PPEF2: variants seen among roughly 807,000 people sequenced by gnomAD.
PPEF2 encodes the protein protein phosphatase with EF-hand domain 2, also known as serine/threonine-protein phosphatase with EF-hands 2.
PPEF2 carries 84 observed loss-of-function variants against 84.7 expected under a neutral mutation model. The ratio of observed to expected loss-of-function variants is 0.99; its 90% confidence interval spans 0.83 to 1.19. The LOEUF (loss-of-function observed/expected upper bound fraction) is 1.19, where lower values mean the gene tolerates loss of function less well. Ranked by LOEUF, PPEF2 falls within the 50% of genes most tolerant of loss-of-function variation. PPEF2 has a pLI of 0.00. For synonymous variants in PPEF2, 346 were observed against 345.2 expected (o/e 1.00, Z -0.03); for missense variants, 924 against 937.5 (o/e 0.99, Z 0.19).
chr4:75,894,933 A>T (rs1407356522), intron 2 of PPEF2, among the ~76,000 whole-genome samples: 1 of 152,132 alleles, frequency 6.6e-6, no homozygotes, highest in African/African-American at 2.4e-5. Context: ...CTGGGAAAAA[A>T]TATTTGCAAT....
intron 16 of PPEF2, 127 bp downstream of exon 16, chr4:75,864,313 A>G: frequency 1.4e-6 from 1 of 709,458 alleles, no homozygotes; most frequent in East Asian, 2.7e-5. Flanking sequence ...TATAAGCACT[A>G]ATCTTCTTAC....
chr4:75,874,014 A>G (rs1413719536), intron 11 of PPEF2, among the ~76,000 whole-genome samples: 3 of 152,024 alleles, frequency 2.0e-5, no homozygotes, highest in African/African-American at 7.2e-5. Flanking sequence ...AGGCTGAGGC[A>G]GGAGAATCAC....
intron 2 of PPEF2, among the ~76,000 whole-genome samples, chr4:75,894,461 G>A (rs1724963098): frequency 6.6e-6 from 1 of 152,170 alleles, no homozygotes; most frequent in Admixed American, 6.5e-5. Flanking sequence ...AAGAAAAGCT[G>A]CATAAAATAA....
At chr4:75,886,650 G>A (rs1333648230) in intron 7 of PPEF2, among the ~76,000 whole-genome samples, 3 of 152,062 alleles carry the variant, frequency 2.0e-5, no homozygotes, top group Non-Finnish European at 4.4e-5. Context: ...AACCTGGGAG[G>A]CAGAGGTTGC....
At chr4:75,864,329 T>C in intron 16 of PPEF2, 111 bp downstream of exon 16, 1 of 817,372 alleles carries the variant, frequency 1.2e-6, no homozygotes, top group African/African-American at 1.7e-5. Flanking sequence ...CTTACCTTGC[T>C]CTCCAAATGC....
At chr4:75,871,750 C>G (rs1027452297) in intron 13 of PPEF2, among the ~76,000 whole-genome samples, 1 of 152,164 alleles carries the variant, frequency 6.6e-6, no homozygotes, top group East Asian at 1.9e-4. Flanking sequence ...GGATTACAGG[C>G]ATGAGCCACT....
chr4:75,862,378 GA>G (rs1031982382), intron 16 of PPEF2, among the ~76,000 whole-genome samples: 37 of 148,446 alleles, frequency 2.5e-4, no homozygotes, highest in African/African-American at 9.0e-4. Flanking sequence ...CACAAAATCA[GA>G]AAAAAAATTT....
chr4:75,896,870 CACCTTT>C (rs1349473113), intron 1 of PPEF2, among the ~76,000 whole-genome samples: 180 of 151,488 alleles, frequency 1.2e-3, no homozygotes, highest in Non-Finnish European at 2.1e-3. Flanking sequence ...CCATAGGCCA[CACCTTT>C]CTTTCTTTCT....
chr4:75,899,368 T>C (rs575248759), intron 1 of PPEF2, among the ~76,000 whole-genome samples: 1 of 152,338 alleles, frequency 6.6e-6, no homozygotes, highest in African/African-American at 2.4e-5. Flanking sequence ...CCTTTGGATA[T>C]ACACCCAAAG....
intron 11 of PPEF2, among the ~76,000 whole-genome samples, 200 bp downstream of exon 11, chr4:75,876,087 A>G (rs1017915408): frequency 2.6e-5 from 4 of 152,234 alleles, no homozygotes; most frequent in Non-Finnish European, 5.9e-5. Flanking sequence ...CAGGCAATAG[A>G]GCCTAACAGC....
At chr4:75,886,963 A>G (rs764741250) in intron 6 of PPEF2, 65 bp from the exon 7 acceptor site, 4 of 887,960 alleles carry the variant, frequency 4.5e-6, no homozygotes, top group Non-Finnish European at 5.1e-6. Flanking sequence ...GATTTTTATT[A>G]TAAGAAAGAA....
rs76969066 is a variant in PPEF2, at chr4:75,886,446, T to G, written c.579+406A>C. Among the ~76,000 whole-genome samples the G allele has an allele frequency of 1.5e-4, 23 of 152,330 alleles. No individual in the cohort carries two copies. In the East Asian group the frequency reaches 4.2e-3, roughly 28 times the overall value. ...GTTCGTGGGGAACCTGACATTAAAC[T>G]GTTCGTAGATGACCTGCTTCTGGGT... On this transcript the variant is annotated intron_variant, in intron 7 of 16. Coordinates refer to ENST00000286719, the MANE Select transcript of PPEF2 (RefSeq NM_006239.3).
intron 8 of PPEF2, 54 bp downstream of exon 8, chr4:75,884,540 T>C: frequency 6.7e-7 from 1 of 1,490,614 alleles, no homozygotes; most frequent in Non-Finnish European, 9.0e-7. Flanking sequence ...AGAAATAACA[T>C]TTTACAATTA....
At chr4:75,888,726 G>A (rs566595460) in intron 5 of PPEF2, among the ~76,000 whole-genome samples, 7 of 152,308 alleles carry the variant, frequency 4.6e-5, no homozygotes, top group Admixed American at 1.3e-4. Context: ...ACATTCATGT[G>A]GAAGAGGGGA....
chr4:75,865,731 A>G (rs765066085), intron 15 of PPEF2, among the ~76,000 whole-genome samples: 14 of 152,202 alleles, frequency 9.2e-5, no homozygotes, highest in Non-Finnish European at 1.9e-4. Flanking sequence ...TGTAAATTAT[A>G]TTGCAGTAAC....
chr4:75,897,965 C>G (rs369648748), intron 1 of PPEF2, among the ~76,000 whole-genome samples: 101 of 152,246 alleles, frequency 6.6e-4, no homozygotes, highest in African/African-American at 2.2e-3. Context: ...GATTTACCCA[C>G]GTATTTATTA....
At chr4:75,869,908 T>C (rs1303361505) in intron 13 of PPEF2, among the ~76,000 whole-genome samples, 1 of 152,136 alleles carries the variant, frequency 6.6e-6, no homozygotes, top group Admixed American at 6.6e-5. Flanking sequence ...TTATGGACAT[T>C]GAGACATCAT....
chr4:75,892,014 G>C, intron 2 of PPEF2, 36 bp from the exon 3 acceptor site: 1 of 1,605,048 alleles, frequency 6.2e-7, no homozygotes, highest in Non-Finnish European at 8.5e-7. Flanking sequence ...CTGTGAGCTC[G>C]GACTCCCTGG....
chr4:75,887,007 C>A, intron 6 of PPEF2, 109 bp from the exon 7 acceptor site: 1 of 534,862 alleles, frequency 1.9e-6, no homozygotes, highest in Non-Finnish European at 3.3e-6. Context: ...AAAAACCCTA[C>A]AAAGTTTTCC....
Sources: gnomAD v4.1 joint callset for allele counts (sites outside exome capture counted in the v4.1 genomes callset) on GRCh38, gnomAD v4.1.1 for gene constraint, MANE v1.5 for transcripts, NCBI Gene and HGNC (gene_info 2026-07-23, HGNC 2026-07-21) for gene names.